The following FUBP3 variants were observed in gnomAD, a reference collection of about 807,000 sequenced individuals.
FUBP3 encodes the protein far upstream element binding protein 3, also known as far upstream element-binding protein 3.
A neutral mutation model predicts 85.6 loss-of-function variants in FUBP3; 28 were observed. The observed-to-expected ratio is 0.33, with a 90% CI of 0.24 to 0.45. The LOEUF is 0.45. Among genes scored for constraint, FUBP3 ranks in the 20% least tolerant of loss-of-function variants. The probability of loss-of-function intolerance (pLI) is 1.00; values close to 1 mark genes in which losing one functional copy is unlikely to be tolerated. For missense variants in FUBP3, 583 were observed against 755.1 expected, an observed-to-expected ratio of 0.77 and a Z score of 2.67; for synonymous variants, 271 against 271.4, an observed-to-expected ratio of 1.00 and a Z score of 0.01.
Position 130,631,966 on chromosome 9 carries a change from G to T in FUBP3, c.1377G>T (p.Gly459=), listed in dbSNP as rs774986512. 1.9e-6 allele frequency: 3 copies of T among 1,613,630 alleles called. No individual in the cohort carries two copies. Among genetic ancestry groups the T allele is most frequent in the Non-Finnish European group, 1.7e-6 (2 of 1,179,496 alleles). Residue 459 remains glycine (G), a synonymous_variant, in exon 15 of 19, where the codon GGG becomes GGT. Transcript: ENST00000319725. The stretch of plus-strand genomic sequence containing the variant: ...GTACCTTTCCTCCAAGGAGCTCCGG[G>T]TGCTTCCCAAACATGGCTGCCAAGG... ...HQNTFPPRSS[G]CFPNMAAKVN...
In FUBP3 at chr9:130,622,764, C is replaced by A. The variant is rs1588154207; in HGVS notation, c.828C>A (p.Ile276=). ...TAATAGGAAGAAACGGGGAAATGAT[C>A]AAAAAGATCCAGAATGATGCTGGTG... ...GIVIGRNGEM[I]KKIQNDAGVR... The change falls in exon 10 of 19, where the codon ATC becomes ATA. Residue 276 remains isoleucine (I), a synonymous_variant. Transcript: ENST00000319725. The A allele has an allele frequency of 1.9e-6, 3 of 1,596,030 alleles. No individual in the cohort carries two copies. Among genetic ancestry groups the A allele is most frequent in the Non-Finnish European group, 8.6e-7 (1 of 1,168,434 alleles).
intron 1 of FUBP3, among the ~76,000 whole-genome samples, chr9:130,586,548 G>A (rs547095401): frequency 6.6e-6 from 1 of 151,828 alleles, no homozygotes; most frequent in African/African-American, 2.4e-5. Context: ...ACCACACCCA[G>A]CTAATAAGGG....
chr9:130,612,396 C>G lies in FUBP3; in HGVS notation c.225-60C>G, dbSNP rs2119072049. On this transcript the variant is annotated intron_variant, in intron 3 of 18. Coordinates refer to ENST00000319725, the MANE Select transcript of FUBP3 (RefSeq NM_003934.2). The surrounding 1 kb of genome is among the most constrained non-coding windows in gnomAD (Gnocchi z 4.1). ...TTGCCAGTATGGGCAGTTTGGGGACCTAAAATGGCTGCAAAAGTCTGTATT... is the reference window on the plus strand; with the variant it reads ...TTGCCAGTATGGGCAGTTTGGGGACGTAAAATGGCTGCAAAAGTCTGTATT... The G allele has an allele frequency of 9.0e-7, 1 of 1,113,356 alleles. No homozygotes were observed. The highest frequency in any genetic ancestry group is 1.4e-6 in the Non-Finnish European group (1 of 735,788). 69.0% of individuals were successfully genotyped at this position (1,113,356 alleles called of 1,614,324 possible).
intron 1 of FUBP3, chr9:130,581,865 G>T (rs1169736580): frequency 6.6e-6 from 1 of 152,198 alleles, no homozygotes; most frequent in Non-Finnish European, 1.5e-5. Context: ...AATACTCTCA[G>T]TTGACCCTGC....
Position 130,620,472 on chromosome 9 carries a change from A to G in FUBP3, c.771+14A>G. 2.2e-6 allele frequency: 3 copies of G among 1,352,608 alleles called. No individual in the cohort carries two copies. The highest frequency in any genetic ancestry group is 3.1e-6 in the Non-Finnish European group (3 of 957,374). 83.8% of individuals were successfully genotyped at this position (1,352,608 alleles called of 1,614,324 possible). The stretch of plus-strand genomic sequence containing the variant: ...GGCAGTATAGAGGTATGCTTAAATT[A>G]CAGGTTAGTAGGCAAATGAGATGAG... On this transcript the variant is annotated intron_variant, in intron 9 of 18. Coordinates refer to ENST00000319725, the MANE Select transcript of FUBP3 (RefSeq NM_003934.2).
At chr9:130,626,864 C>T (rs940932492) in intron 12 of FUBP3, among the ~76,000 whole-genome samples, 2 of 152,166 alleles carry the variant, frequency 1.3e-5, no homozygotes, top group African/African-American at 4.8e-5. Flanking sequence ...CTTAGAGGGA[C>T]GGTTGAGACA....
At chr9:130,636,649 G>A (rs748217584) in intron 18 of FUBP3, among the ~76,000 whole-genome samples, 4 of 152,338 alleles carry the variant, frequency 2.6e-5, no homozygotes, top group Non-Finnish European at 4.4e-5. Context: ...TTAAAGAAGG[G>A]AAGACGTCCA....
At chr9:130,587,607 T>G (rs556860272) in intron 1 of FUBP3, among the ~76,000 whole-genome samples, 1 of 152,328 alleles carries the variant, frequency 6.6e-6, no homozygotes, top group Non-Finnish European at 1.5e-5. Context: ...TTGCTATGCA[T>G]TAGGAAAGTT....
intron 2 of FUBP3, 37 bp from the exon 3 acceptor site, chr9:130,609,917 T>A (rs1831653112): frequency 6.4e-7 from 1 of 1,552,372 alleles, no homozygotes; most frequent in Non-Finnish European, 8.9e-7. Context: ...TCCGTGCTAA[T>A]GCTTTGATTT....
Position 130,582,986 on chromosome 9 carries a change from C to A in FUBP3, c.84+3222C>A, listed in dbSNP as rs181664816. ...TTAGATCTGTTTTGATCTAGATAGA[C>A]CCACTCAATGCCTCTGGATTGTATA... On this transcript the variant is annotated intron_variant, in intron 1 of 18. Transcript: ENST00000319725. Among the ~76,000 whole-genome samples the A allele has an allele frequency of 9.1e-4, 139 of 152,242 alleles. 2 individuals are homozygous for A. The highest frequency in any genetic ancestry group is 6.8e-3 in the Middle Eastern group (2 of 294).
intron 1 of FUBP3, among the ~76,000 whole-genome samples, chr9:130,593,899 T>G (rs1830739163): frequency 6.6e-6 from 1 of 152,244 alleles, no homozygotes; most frequent in South Asian, 2.1e-4. Flanking sequence ...TAAGAAGTTC[T>G]GCATACCATT....
At chr9:130,600,835 G>A (rs1478721708) in intron 2 of FUBP3, among the ~76,000 whole-genome samples, 1 of 152,042 alleles carries the variant, frequency 6.6e-6, no homozygotes, top group Non-Finnish European at 1.5e-5. Context: ...GATTAGCTGG[G>A]TGTGGTGGTG....
At chr9:130,589,794 T>C (rs891730712) in intron 1 of FUBP3, among the ~76,000 whole-genome samples, 1 of 146,784 alleles carries the variant, frequency 6.8e-6, no homozygotes. Context: ...CACTGTAACT[T>C]TGAACTCCTG....
At chr9:130,621,563 T>G (rs973898266) in intron 9 of FUBP3, among the ~76,000 whole-genome samples, 3 of 152,124 alleles carry the variant, frequency 2.0e-5, no homozygotes, top group Admixed American at 6.5e-5. Flanking sequence ...GCTTATTCAT[T>G]TTTATAACCA....
At chr9:130,589,025 C>T (rs1041255041) in intron 1 of FUBP3, among the ~76,000 whole-genome samples, 1 of 152,168 alleles carries the variant, frequency 6.6e-6, no homozygotes, top group African/African-American at 2.4e-5. Flanking sequence ...TGTATCCATG[C>T]CAATCAACAG....
In FUBP3 at chr9:130,595,534, G is replaced by T. The variant is rs1830827184; in HGVS notation, c.136G>T (p.Val46Leu). 6.9e-6 allele frequency: 11 copies of T among 1,595,580 alleles called. No individual in the cohort carries two copies. The highest frequency in any genetic ancestry group is 9.5e-6 in the Non-Finnish European group (11 of 1,163,232). Residue 46 changes from valine (V) to leucine (L), a missense_variant, in exon 2 of 19, where the codon GTG (valine) becomes TTG (leucine). Transcript: ENST00000319725. ...IPHLNNSTPL[V>L]DPSVYGYGVQ... ...TCACTTGAATAATTCCACACCTCTA[G>T]TGGACCCCTCAGTATATGGATACGG...
rs184751761 is a variant in FUBP3 at position 130,635,846 on chromosome 9, C to T, written c.1583-153C>T. ...GGCTAACAGCACCTTTTGTAGCAAG[C>T]GCTCCTGCAACACCAGCCTCACCTC... On this transcript the variant is annotated intron_variant, in intron 17 of 18. Transcript: ENST00000319725. The surrounding 1 kb of genome is among the most constrained non-coding windows in gnomAD (Gnocchi z 4.3). 7.0e-6 allele frequency: 5 copies of T among 716,426 alleles called. No individual in the cohort carries two copies. Among genetic ancestry groups the T allele is most frequent in the South Asian group, 1.8e-5 (1 of 55,510 alleles). 44.4% of individuals were successfully genotyped at this position (716,426 alleles called of 1,614,324 possible). A position where few individuals can be genotyped will look rare whatever the true frequency, so the allele number is the denominator to read the frequency against.
Position 130,586,916 on chromosome 9 carries a change from A to AT in FUBP3, c.84+7158dup, listed in dbSNP as rs1348741291. ...AGGTGCCTGCCACCACACCTGGCTG[A>AT]TTTTTTGTATTTTTAGTGAAGACGG... On this transcript the variant is annotated intron_variant, in intron 1 of 18. Transcript: ENST00000319725. 4.0e-5 allele frequency among the ~76,000 whole-genome samples: 6 copies of AT among 151,686 alleles called. No individual in the cohort carries two copies. In the East Asian group the frequency reaches 9.7e-4, roughly 25 times the overall value.
intron 11 of FUBP3, 22 bp downstream of exon 11, chr9:130,623,733 G>A (rs530394059): frequency 4.1e-5 from 63 of 1,521,000 alleles, no homozygotes; most frequent in Non-Finnish European, 5.4e-5. Context: ...TCTGCAGAGT[G>A]TGAGTGTTTG....
Sources: allele counts gnomAD v4.1 joint callset (sites outside exome capture counted in the v4.1 genomes callset), GRCh38; gene constraint gnomAD v4.1.1; non-coding constraint Gnocchi (gnomAD v3.1); transcripts MANE v1.5; gene names NCBI Gene and HGNC (gene_info 2026-07-23, HGNC 2026-07-21).